UBE3B: variants seen among roughly 807,000 people sequenced by gnomAD.
The protein encoded by UBE3B is ubiquitin-protein ligase E3B.
UBE3B carries 80 observed loss-of-function variants against 132.3 expected under a neutral mutation model. The ratio of observed to expected loss-of-function variants is 0.60; its 90% CI spans 0.50 to 0.73. The LOEUF (loss-of-function observed/expected upper bound fraction) is 0.73, where lower values mean the gene tolerates loss of function less well. Ranked by LOEUF, UBE3B falls within the 30% of genes least tolerant of loss-of-function variation. The pLI, the probability that UBE3B is intolerant of heterozygous loss-of-function variation, is 0.00. For synonymous variants in UBE3B, 487 were observed against 520.4 expected, an observed-to-expected ratio of 0.94 and a Z score of 0.87; for missense variants, 1,196 against 1,362.5, an observed-to-expected ratio of 0.88 and a Z score of 1.92.
rs780297349 is a variant in UBE3B at position 109,524,427 on chromosome 12, T to C, written c.2503-11T>C. Reference sequence around the variant, plus strand: ...ATGGCCCTAACACTTTCCCCTTCTCTGTTACATTAGCGCTATGATGGGGAC... The same window carrying C: ...ATGGCCCTAACACTTTCCCCTTCTCCGTTACATTAGCGCTATGATGGGGAC... On this transcript the variant is annotated splice_polypyrimidine_tract_variant and intron_variant, in intron 22 of 27. Transcript: ENST00000342494. 1.2e-6 allele frequency: 2 copies of C among 1,614,164 alleles called. No individual in the cohort carries two copies. The highest frequency in any genetic ancestry group is 1.1e-5 in the South Asian group (1 of 91,084).
At position 109,534,606 on chromosome 12, in the gene UBE3B, C is replaced by G; in HGVS notation, c.3031C>G (p.Leu1011Val). 1 of 1,610,738 alleles carries G rather than the reference C, an allele frequency of 6.2e-7. No homozygotes were observed. The highest frequency in any genetic ancestry group is 1.1e-5 in the South Asian group (1 of 90,702). The change falls in exon 28 of 28, where the codon CTG becomes GTG. Residue 1011 changes from leucine (L) to valine (V), a missense_variant. By Grantham distance (32) the Leu-to-Val change is conservative. Coordinates refer to ENST00000342494, the MANE Select transcript of UBE3B (RefSeq NM_130466.4). The surrounding 1 kb of genome is among the most constrained non-coding windows in gnomAD (Gnocchi z 5.2). ...VSDDQDTGDT[L>V]GSVLRGFFTI... is the part of the protein sequence containing the mutation. ...GTGCCTTCAGGACACCGGGGACACT[C>G]TGGGCAGCGTCCTCCGGGGCTTCTT... is the stretch of plus-strand genomic sequence containing the variant.
the UBE3B span, among the ~76,000 whole-genome samples, chr12:109,544,258 C>T: frequency 6.6e-6 from 1 of 152,260 alleles, no homozygotes; most frequent in African/African-American, 2.4e-5. Flanking sequence ...ATTGCCCAGC[C>T]CACGTTGCTG....
rs761818359 is a variant in UBE3B, at chr12:109,496,712, C to T, written c.714-1106C>T. 6.8e-4 allele frequency among the ~76,000 whole-genome samples: 103 copies of T among 152,158 alleles called. 1 individual carries two copies. Among genetic ancestry groups the T allele is most frequent in the Non-Finnish European group, 2.2e-4 (15 of 68,030 alleles). ...TGGAGAAATGTATGTTTAGATCCTT[C>T]GTCTACTTTTTAATTGGATGTTTCA... On this transcript the variant is annotated intron_variant, in intron 9 of 27. Coordinates refer to ENST00000342494, the MANE Select transcript of UBE3B (RefSeq NM_130466.4).
chr12:109,490,149 C>T, intron 8 of UBE3B, 145 bp downstream of exon 8: 5 of 901,314 alleles, frequency 5.5e-6, no homozygotes, highest in Non-Finnish European at 8.9e-6. Context: ...TCCTCTTCTT[C>T]CTTCCCCTGC....
At chr12:109,518,449 A>G (rs1358797648) in intron 19 of UBE3B, among the ~76,000 whole-genome samples, 2 of 152,194 alleles carry the variant, frequency 1.3e-5, no homozygotes, top group Non-Finnish European at 2.9e-5. Flanking sequence ...CTTTCCACCA[A>G]ATTCAACCTG....
the UBE3B span, among the ~76,000 whole-genome samples, chr12:109,543,338 A>C: frequency 5.3e-5 from 8 of 151,988 alleles, no homozygotes; most frequent in Non-Finnish European, 7.4e-5. Flanking sequence ...AACCAGCCTC[A>C]TGCAGACAGG....
chr12:109,487,867 C>T (rs1876781440), intron 6 of UBE3B, among the ~76,000 whole-genome samples: 1 of 152,178 alleles, frequency 6.6e-6, no homozygotes, highest in African/African-American at 2.4e-5. Context: ...GAGGTTTGAA[C>T]TCAGTGGTCT....
chr12:109,485,922 G>A (rs543266560), intron 4 of UBE3B, 90 bp from the exon 5 acceptor site: 322 of 1,409,526 alleles, frequency 2.3e-4, no homozygotes, highest in Middle Eastern at 5.9e-4. Context: ...ATACCTGCAC[G>A]TGCCAGGTAC....
At chr12:109,547,459 A>G in the UBE3B span, among the ~76,000 whole-genome samples, 1 of 152,260 alleles carries the variant, frequency 6.6e-6, no homozygotes, top group Non-Finnish European at 1.5e-5. This position sits in a 1 kb window ranked among gnomAD's most constrained non-coding sequence, Gnocchi z 4.1. Context: ...ACGCGCGCAC[A>G]CACATGTACA....
chr12:109,491,829 A>C, intron 9 of UBE3B: 1 of 152,254 alleles, frequency 6.6e-6, no homozygotes, highest in East Asian at 1.9e-4. Context: ...CTTCATGCTG[A>C]GAGCTCTGAG....
chr12:109,509,352 C>G (rs1278405671), intron 15 of UBE3B: 7 of 300,088 alleles, frequency 2.3e-5, no homozygotes, highest in Non-Finnish European at 3.7e-5. Context: ...TTTGCTGCAC[C>G]TGTCACCCCG....
rs528095531 is a variant in UBE3B at position 109,483,725 on chromosome 12, A to C, written c.161+13A>C. On this transcript the variant is annotated intron_variant, in intron 3 of 27. Coordinates refer to ENST00000342494, the MANE Select transcript of UBE3B (RefSeq NM_130466.4). Reference sequence around the variant, plus strand: ...AGAGAGATATCAGGTAAGGGCTAGGATCTCCCTAGCACATGATTCTCTGGC... The same window carrying C: ...AGAGAGATATCAGGTAAGGGCTAGGCTCTCCCTAGCACATGATTCTCTGGC... 9 of 1,591,564 alleles carry C rather than the reference A, an allele frequency of 5.7e-6. No individual in the cohort carries two copies. The highest frequency in any genetic ancestry group is 4.6e-5 in the South Asian group (4 of 87,218).
At chr12:109,483,400 T>C (rs952619596) in intron 2 of UBE3B, 131 bp from the exon 3 acceptor site, 8 of 866,092 alleles carry the variant, frequency 9.2e-6, no homozygotes, top group Non-Finnish European at 1.3e-5. Flanking sequence ...TGTTAGCGCT[T>C]TGGAGGGTGT....
At chr12:109,482,383 G>A (rs1174949809) in intron 2 of UBE3B, among the ~76,000 whole-genome samples, 1 of 152,068 alleles carries the variant, frequency 6.6e-6, no homozygotes, top group East Asian at 1.9e-4. Flanking sequence ...GTTTGTCCAT[G>A]TGGGCCCATT....
chr12:109,525,565 G>A (rs1882248857), intron 23 of UBE3B, among the ~76,000 whole-genome samples: 1 of 152,184 alleles, frequency 6.6e-6, no homozygotes, highest in African/African-American at 2.4e-5. Flanking sequence ...AATCTTCACA[G>A]AATTTCTATT....
chr12:109,543,157 T>C, the UBE3B span, among the ~76,000 whole-genome samples: 1 of 152,346 alleles, frequency 6.6e-6, no homozygotes, highest in East Asian at 1.9e-4. Context: ...GAAACACCAC[T>C]GTTCAGGCCT....
Position 109,530,549 on chromosome 12 carries a change from A to G in UBE3B, c.2813A>G (p.Lys938Arg), listed in dbSNP as rs1311698405. The part of the protein sequence containing the change: ...NAEIDLEDLK[K>R]HTVYYGGFHG... Reference sequence around the variant, plus strand: ...GCCCAGGTCTGTATTGCTTTCAGGAAGCACACAGTCTACTACGGTGGTTTC... The same window carrying G: ...GCCCAGGTCTGTATTGCTTTCAGGAGGCACACAGTCTACTACGGTGGTTTC... Residue 938 changes from lysine (K) to arginine (R), a missense_variant and splice_region_variant, in exon 26 of 28, where the codon AAG (lysine) becomes AGG (arginine). By Grantham distance (26) the Lys-to-Arg change is conservative. Coordinates refer to ENST00000342494, the MANE Select transcript of UBE3B (RefSeq NM_130466.4). 1 of 1,613,952 alleles carries G rather than the reference A, an allele frequency of 6.2e-7. No homozygotes were observed. Among genetic ancestry groups the G allele is most frequent in the Non-Finnish European group, 8.5e-7 (1 of 1,179,978 alleles).
At chr12:109,544,912 C>T in the UBE3B span, among the ~76,000 whole-genome samples, 1 of 152,222 alleles carries the variant, frequency 6.6e-6, no homozygotes, top group African/African-American at 2.4e-5. Context: ...ATCTGTTACC[C>T]ACTTCCTCCT....
At chr12:109,518,343 G>A (rs1032702449) in intron 19 of UBE3B, among the ~76,000 whole-genome samples, 2 of 152,154 alleles carry the variant, frequency 1.3e-5, no homozygotes, top group Non-Finnish European at 2.9e-5. Context: ...GCTCCATAAC[G>A]CTCTTGAGTT....
Sources: gnomAD v4.1 joint callset for allele counts (sites outside exome capture counted in the v4.1 genomes callset) on GRCh38, gnomAD v4.1.1 for gene constraint, Gnocchi (gnomAD v3.1) non-coding constraint, MANE v1.5 for transcripts, NCBI Gene and HGNC (gene_info 2026-07-23, HGNC 2026-07-21) for gene names.